Variants in COLEC12 observed in about 807,000 individuals in gnomAD.
COLEC12 encodes collectin subfamily member 12.
COLEC12 carries 33 observed loss-of-function variants against 71.1 expected under a neutral mutation model. The observed-to-expected ratio is 0.46, with a 90% CI of 0.35 to 0.62. COLEC12 has a LOEUF of 0.62. Among genes scored for constraint, COLEC12 ranks in the 20% least tolerant of loss-of-function variants. The pLI, the probability that COLEC12 is intolerant of heterozygous loss-of-function variation, is 0.00. For synonymous variants in COLEC12, 350 were observed against 353.0 expected (o/e 0.99, Z 0.10); for missense variants, 765 against 916.1 (o/e 0.84, Z 2.13).
At chr18:404,434 C>T (rs569779766) in intron 2 of COLEC12, among the ~76,000 whole-genome samples, 7 of 152,176 alleles carry the variant, frequency 4.6e-5, no homozygotes, top group African/African-American at 9.6e-5. Flanking sequence ...TTGTAAGCCG[C>T]GGCTTTTTTT....
chr18:489,535 G>A (rs1042049854), intron 1 of COLEC12, among the ~76,000 whole-genome samples: 3 of 152,186 alleles, frequency 2.0e-5, no homozygotes, highest in South Asian at 4.1e-4. Context: ...AGATAGAAAT[G>A]AAAGAATTCC....
chr18:497,092 G>C (rs1917725439), intron 1 of COLEC12, among the ~76,000 whole-genome samples: 1 of 152,166 alleles, frequency 6.6e-6, no homozygotes, highest in Admixed American at 6.5e-5. Context: ...ATTTTCTTCT[G>C]GGTAATATAT....
intron 5 of COLEC12, among the ~76,000 whole-genome samples, chr18:342,080 G>A (rs990499269): frequency 5.9e-5 from 9 of 151,632 alleles, no homozygotes; most frequent in East Asian, 3.9e-4. Flanking sequence ...TTCTTGAGAC[G>A]GAGTTTCACT....
chr18:491,601 A>G (rs896124267), intron 1 of COLEC12, among the ~76,000 whole-genome samples: 2 of 152,216 alleles, frequency 1.3e-5, no homozygotes, highest in African/African-American at 4.8e-5. Flanking sequence ...AAGGTCCAAA[A>G]TAAATATCCT....
intron 7 of COLEC12, among the ~76,000 whole-genome samples, chr18:332,715 G>A (rs1431159690): frequency 2.0e-5 from 3 of 152,134 alleles, no homozygotes; most frequent in African/African-American, 2.4e-5. Flanking sequence ...CAGGTGCCTG[G>A]TGGCAGCCCT....
At chr18:495,783 C>A (rs762903704) in intron 1 of COLEC12, among the ~76,000 whole-genome samples, 2 of 152,158 alleles carry the variant, frequency 1.3e-5, no homozygotes. Context: ...TAGGAGGGAG[C>A]CTGGGCTAGA....
At chr18:487,426 A>C (rs1322165708) in intron 1 of COLEC12, among the ~76,000 whole-genome samples, 1 of 152,222 alleles carries the variant, frequency 6.6e-6, no homozygotes, top group Non-Finnish European at 1.5e-5. Flanking sequence ...GAATATAACA[A>C]AAAAACATTG....
At position 440,782 on chromosome 18, in the gene COLEC12, G is replaced by A. The variant is rs567272966; in HGVS notation, c.58+39925C>T. ...TTGAAGCATTTTCACATATGTTAAT[G>A]CATTGGATTCTTCCAACATTTGAGT... On this transcript the variant is annotated intron_variant, in intron 2 of 9. Transcript: ENST00000400256. 1.2e-4 allele frequency among the ~76,000 whole-genome samples: 19 copies of A among 152,300 alleles called. 1 individual carries two copies. The South Asian group carries it at 3.7e-3, about 30-fold the overall frequency.
At chr18:373,391 A>C (rs538501228) in intron 2 of COLEC12, among the ~76,000 whole-genome samples, 2 of 152,162 alleles carry the variant, frequency 1.3e-5, no homozygotes, top group Non-Finnish European at 2.9e-5. Flanking sequence ...CATGGTGGGG[A>C]AAAAGGGCCA....
In COLEC12 at chr18:334,886, C is replaced by T. The variant is rs574274234; in HGVS notation, c.1672G>A (p.Val558Met). Reference protein sequence around the residue: ...GLQGTVGEPGVPGPRGLPGLP... With the variant: ...GLQGTVGEPGMPGPRGLPGLP... ...CCTGGCAGTCCCCGAGGTCCAGGCA[C>T]CCCAGGCTCCCCAACGGTGCCCTGA... Residue 558 changes from valine (V) to methionine (M), a missense_variant, in exon 6 of 10, where the codon GTG (valine) becomes ATG (methionine). Transcript: ENST00000400256. 1.8e-4 allele frequency: 281 copies of T among 1,524,420 alleles called. 2 individuals are homozygous for T. The South Asian group carries it at 3.3e-3, about 18-fold the overall frequency. 94.4% of individuals were successfully genotyped at this position (1,524,420 alleles called of 1,614,324 possible). A position where few individuals can be genotyped will look rare whatever the true frequency, so the allele number is the denominator to read the frequency against.
intron 1 of COLEC12, among the ~76,000 whole-genome samples, chr18:483,795 C>A (rs1917469612): frequency 1.3e-5 from 2 of 152,180 alleles, no homozygotes; most frequent in African/African-American, 4.8e-5. Flanking sequence ...GAAACGCTGA[C>A]CTGCTGCGTC....
intron 2 of COLEC12, among the ~76,000 whole-genome samples, chr18:477,607 T>C (rs1003480596): frequency 2.6e-5 from 4 of 152,214 alleles, no homozygotes; most frequent in Non-Finnish European, 4.4e-5. Flanking sequence ...TACCAAAACA[T>C]TGAGAGAGTG....
chr18:349,510 C>T (rs891178001), intron 3 of COLEC12, among the ~76,000 whole-genome samples: 21 of 152,282 alleles, frequency 1.4e-4, no homozygotes, highest in African/African-American at 4.6e-4. Context: ...GGTGTCGGAG[C>T]CCCCACACAG....
At chr18:479,496 G>A (rs1917369245) in intron 2 of COLEC12, among the ~76,000 whole-genome samples, 1 of 151,828 alleles carries the variant, frequency 6.6e-6, no homozygotes, top group Admixed American at 6.6e-5. Flanking sequence ...CTTTTTTTAA[G>A]CAACAGGAAG....
chr18:370,270 T>C (rs1914971353), intron 2 of COLEC12, among the ~76,000 whole-genome samples: 1 of 152,226 alleles, frequency 6.6e-6, no homozygotes, highest in African/African-American at 2.4e-5. Context: ...AGAAAATACA[T>C]ATATAATTTC....
intron 1 of COLEC12, among the ~76,000 whole-genome samples, chr18:497,657 C>G (rs2143800557): frequency 6.6e-6 from 1 of 152,342 alleles, no homozygotes; most frequent in East Asian, 1.9e-4. Context: ...GCCTCAGCCT[C>G]CCAAAGTGCT....
chr18:338,831 T>C (rs1360574452), intron 5 of COLEC12, among the ~76,000 whole-genome samples: 1 of 152,262 alleles, frequency 6.6e-6, no homozygotes, highest in African/African-American at 2.4e-5. Context: ...TTCTAGTGTA[T>C]GTGGAGTAAC....
At chr18:349,291 G>A (rs768291271) in intron 3 of COLEC12, among the ~76,000 whole-genome samples, 18 of 152,246 alleles carry the variant, frequency 1.2e-4, no homozygotes, top group Non-Finnish European at 2.1e-4. Flanking sequence ...AGCTGGGGCC[G>A]TGGCTTCAGA....
At chr18:371,335 T>C (rs929446244) in intron 2 of COLEC12, among the ~76,000 whole-genome samples, 3 of 152,186 alleles carry the variant, frequency 2.0e-5, no homozygotes, top group Non-Finnish European at 4.4e-5. Flanking sequence ...CTAAGCTTTA[T>C]CCAGAGGACT....
Sources: gnomAD v4.1 joint callset for allele counts (sites outside exome capture counted in the v4.1 genomes callset) on GRCh38, gnomAD v4.1.1 for gene constraint, MANE v1.5 for transcripts, NCBI Gene and HGNC (gene_info 2026-07-23, HGNC 2026-07-21) for gene names.